Variants in TRDN observed in about 807,000 individuals in gnomAD.
TRDN encodes triadin in skeletal muscle.
In TRDN, 161 loss-of-function variants were observed where a neutral mutation model predicts 149.7. The ratio of observed to expected loss-of-function variants is 1.08; its 90% CI spans 0.95 to 1.23. The LOEUF (loss-of-function observed/expected upper bound fraction) is 1.23. TRDN is among the 50% of genes most tolerant of loss of function. The pLI is 0.00. For missense variants in TRDN, 896 were observed against 823.5 expected (o/e 1.09, Z -1.08); for synonymous variants, 294 against 250.5 (o/e 1.17, Z -1.64).
intron 4 of TRDN, among the ~76,000 whole-genome samples, chr6:123,540,513 A>G (rs1780773869): frequency 6.6e-6 from 1 of 151,774 alleles, no homozygotes; most frequent in Non-Finnish European, 1.5e-5. Flanking sequence ...GAACAGAAAA[A>G]GTGTTTTTTT....
intron 24 of TRDN, among the ~76,000 whole-genome samples, chr6:123,302,490 C>T (rs921679485): frequency 6.6e-6 from 1 of 152,056 alleles, no homozygotes; most frequent in African/African-American, 2.4e-5. Context: ...AATCACCCAT[C>T]AAGTGAGTGG....
chr6:123,595,942 C>T (rs1415750134), intron 1 of TRDN, among the ~76,000 whole-genome samples: 1 of 152,020 alleles, frequency 6.6e-6, no homozygotes, highest in African/African-American at 2.4e-5. Context: ...ACAATGGCCT[C>T]TAAATGTTCA....
intron 28 of TRDN, 61 bp downstream of exon 28, chr6:123,273,275 GA>G: frequency 9.6e-7 from 1 of 1,043,090 alleles, no homozygotes; most frequent in Non-Finnish European, 1.3e-6. Flanking sequence ...ACATGATTTT[GA>G]AAACGTTTCA....
intron 12 of TRDN, among the ~76,000 whole-genome samples, chr6:123,423,235 A>T (rs570267881): frequency 1.3e-5 from 2 of 152,322 alleles, no homozygotes; most frequent in South Asian, 4.1e-4. Context: ...TATTTTATTC[A>T]TAAGATAAAA....
chr6:123,499,907 T>C (rs1308706742), intron 8 of TRDN, among the ~76,000 whole-genome samples: 1 of 150,998 alleles, frequency 6.6e-6, no homozygotes, highest in African/African-American at 2.4e-5. Context: ...CAAGAGGATG[T>C]GTATAGGTTA....
At chr6:123,612,043 C>T (rs73540816) in intron 1 of TRDN, among the ~76,000 whole-genome samples, 1,547 of 151,594 alleles carry the variant, frequency 0.01, 25 homozygotes, top group African/African-American at 0.036. Context: ...TAGTGTTCTA[C>T]AAAACAAAGA....
At chr6:123,316,565 T>C in intron 23 of TRDN, 70 bp from the exon 24 acceptor site, 1 of 1,396,754 alleles carries the variant, frequency 7.2e-7, no homozygotes, top group Non-Finnish European at 1.0e-6. Flanking sequence ...AAATAGTCAG[T>C]ACAAAGTGGA....
chr6:123,632,320 C>T (rs1391528483), intron 1 of TRDN, among the ~76,000 whole-genome samples: 1 of 151,846 alleles, frequency 6.6e-6, no homozygotes, highest in Non-Finnish European at 1.5e-5. Context: ...TTTCTCTTTT[C>T]TTTCTTTCTA....
chr6:123,493,704 C>T (rs767991684), intron 9 of TRDN, among the ~76,000 whole-genome samples: 5 of 152,074 alleles, frequency 3.3e-5, no homozygotes, highest in African/African-American at 7.2e-5. Context: ...CAGATGGAAG[C>T]GCAAATGTTT....
chr6:123,384,649 A>C (rs1186424044), intron 14 of TRDN, among the ~76,000 whole-genome samples: 1 of 152,234 alleles, frequency 6.6e-6, no homozygotes, highest in East Asian at 1.9e-4. Flanking sequence ...AGAATCAATA[A>C]TATATTTTAT....
intron 23 of TRDN, among the ~76,000 whole-genome samples, chr6:123,319,995 T>C (rs1325315938): frequency 6.6e-6 from 1 of 152,126 alleles, no homozygotes; most frequent in Non-Finnish European, 1.5e-5. Flanking sequence ...AAACTCTGTT[T>C]AGGAGTCTCT....
chr6:123,608,253 T>C (rs183296088), intron 1 of TRDN, among the ~76,000 whole-genome samples: 10 of 152,270 alleles, frequency 6.6e-5, no homozygotes, highest in African/African-American at 2.4e-4. Context: ...TTCCTTATCT[T>C]TAAGTTTCAT....
intron 24 of TRDN, among the ~76,000 whole-genome samples, chr6:123,306,756 A>T (rs141248203): frequency 6.6e-6 from 1 of 152,166 alleles, no homozygotes; most frequent in East Asian, 1.9e-4. Flanking sequence ...ATAATCAAAG[A>T]CCACCCAGTC....
intron 9 of TRDN, among the ~76,000 whole-genome samples, chr6:123,465,482 C>T (rs1227012518): frequency 6.6e-6 from 1 of 150,704 alleles, no homozygotes; most frequent in African/African-American, 2.4e-5. Context: ...TAATAAATGA[C>T]CTGTAGTTAA....
At chr6:123,326,289 A>G (rs1167797302) in intron 23 of TRDN, among the ~76,000 whole-genome samples, 1 of 152,078 alleles carries the variant, frequency 6.6e-6, no homozygotes, top group Non-Finnish European at 1.5e-5. Context: ...TTCCAGCTCT[A>G]GATTTCTACT....
intron 19 of TRDN, among the ~76,000 whole-genome samples, chr6:123,374,901 G>A (rs1483264559): frequency 6.6e-6 from 1 of 152,070 alleles, no homozygotes; most frequent in African/African-American, 2.4e-5. Context: ...AAATATATAA[G>A]CACATTGATG....
chr6:123,478,300 C>T (rs1209684743), intron 9 of TRDN, among the ~76,000 whole-genome samples: 1 of 152,036 alleles, frequency 6.6e-6, no homozygotes, highest in East Asian at 1.9e-4. Flanking sequence ...CTTAGTTAGA[C>T]GTTGAATGGA....
At chr6:123,284,090 C>G (rs1319665212) in intron 24 of TRDN, among the ~76,000 whole-genome samples, 1 of 134,830 alleles carries the variant, frequency 7.4e-6, no homozygotes, top group East Asian at 2.2e-4. Context: ...TTGCCCCCCC[C>G]CCAAAAATTG....
intron 2 of TRDN, among the ~76,000 whole-genome samples, chr6:123,567,296 C>G (rs1782341838): frequency 6.6e-6 from 1 of 152,146 alleles, no homozygotes; most frequent in South Asian, 2.1e-4. Context: ...AGCCCTTTTG[C>G]TTTCTTTGAT....
Sources: allele counts gnomAD v4.1 joint callset (sites outside exome capture counted in the v4.1 genomes callset), GRCh38; gene constraint gnomAD v4.1.1; transcripts MANE v1.5; gene names NCBI Gene and HGNC (gene_info 2026-07-23, HGNC 2026-07-21).